Variants in TSPAN7 observed in about 807,000 individuals in gnomAD.
TSPAN7 encodes tetraspanin 7.
In TSPAN7, 1 loss-of-function variant was observed where a neutral mutation model predicts 17.6. That is an observed-to-expected ratio of 0.06 (90% CI 0.02 to 0.27). The LOEUF is 0.27. TSPAN7 is among the 10% of genes least tolerant of loss of function. TSPAN7 has a pLI of 1.00. For missense variants in TSPAN7, 112 were observed against 201.7 expected (o/e 0.56, Z 2.69); for synonymous variants, 78 against 79.0 (o/e 0.99, Z 0.07).
At chrX:38,576,546 A>G (rs2069195228) in intron 1 of TSPAN7, among the ~76,000 whole-genome samples, 2 of 111,874 alleles carry the variant, frequency 1.8e-5, no homozygotes, top group Admixed American at 1.9e-4. Context: ...TTTGAATGTG[A>G]TTTTTGATTG....
chrX:38,599,201 C>T (rs2069332884), intron 1 of TSPAN7, among the ~76,000 whole-genome samples: 1 of 111,024 alleles, frequency 9.0e-6, no homozygotes, highest in East Asian at 2.9e-4. Context: ...GAGATCACTA[C>T]ATAGGGAGAT....
chrX:38,580,058 C>T (rs2069220068), intron 1 of TSPAN7, among the ~76,000 whole-genome samples: 1 of 112,284 alleles, frequency 8.9e-6, no homozygotes, highest in South Asian at 3.7e-4. Context: ...GTTTCCATGT[C>T]GACAGACCTG....
chrX:38,647,419 G>T (rs2069650917), intron 1 of TSPAN7, among the ~76,000 whole-genome samples: 1 of 112,029 alleles, frequency 8.9e-6, no homozygotes, highest in Non-Finnish European at 1.9e-5. Context: ...GCCCAGCCTT[G>T]TCTGTGATAC....
intron 1 of TSPAN7, among the ~76,000 whole-genome samples, chrX:38,641,519 A>G (rs1425643496): frequency 4.5e-5 from 5 of 111,579 alleles, no homozygotes; most frequent in Non-Finnish European, 7.5e-5. Context: ...CTTCTCTGGT[A>G]TACCCTAAAA....
intron 1 of TSPAN7, among the ~76,000 whole-genome samples, chrX:38,600,579 G>A (rs2069341020): frequency 9.0e-6 from 1 of 111,493 alleles, no homozygotes; most frequent in African/African-American, 3.3e-5. Flanking sequence ...GTCCAGCCCA[G>A]CTAAGAGTGG....
intron 6 of TSPAN7, among the ~76,000 whole-genome samples, chrX:38,682,439 C>T (rs1285074358): frequency 3.6e-5 from 4 of 112,151 alleles, no homozygotes; most frequent in African/African-American, 1.3e-4. Flanking sequence ...ATGAACATAG[C>T]TGTGTAACCC....
At chrX:38,644,640 C>A (rs2069634534) in intron 1 of TSPAN7, among the ~76,000 whole-genome samples, 1 of 111,572 alleles carries the variant, frequency 9.0e-6, no homozygotes, top group Non-Finnish European at 1.9e-5. Context: ...CTAGTCCTGG[C>A]TCTGCCTCCA....
chrX:38,675,987 T>C (rs2069851570), intron 5 of TSPAN7, 127 bp downstream of exon 5: 31 of 884,657 alleles, frequency 3.5e-5, no homozygotes, highest in Non-Finnish European at 5.0e-5. Flanking sequence ...TACTTTGTGG[T>C]TCCTTGATTG....
chrX:38,597,943 CAG>C (rs1304779295), intron 1 of TSPAN7, among the ~76,000 whole-genome samples: 1 of 111,417 alleles, frequency 9.0e-6, no homozygotes, highest in Non-Finnish European at 1.9e-5. Context: ...AGCGATATTC[CAG>C]AGAGGCTTTT....
rs190678141 is a variant in TSPAN7 at position 38,631,470 on chromosome X, C to T, written c.82-34651C>T. ...CAGATAGAACAAAAAGAGGAGTTGT[C>T]TTTTATATAGAAAGTTCCCACTCTG... is the stretch of plus-strand genomic sequence containing the variant. On this transcript the variant is annotated intron_variant, in intron 1 of 7. Transcript: ENST00000378482. Among the ~76,000 whole-genome samples, 3 of 111,461 alleles carry T rather than the reference C, an allele frequency of 2.7e-5. No homozygotes were observed. In the Admixed American group the frequency reaches 2.9e-4, roughly 11 times the overall value.
intron 1 of TSPAN7, among the ~76,000 whole-genome samples, chrX:38,625,063 C>T (rs1186923409): frequency 8.9e-6 from 1 of 111,820 alleles, no homozygotes; most frequent in Non-Finnish European, 1.9e-5. Flanking sequence ...ATAGTTCCCC[C>T]TTGCCTGTAA....
At chrX:38,607,491 G>A (rs1194478002) in intron 1 of TSPAN7, among the ~76,000 whole-genome samples, 2 of 111,092 alleles carry the variant, frequency 1.8e-5, no homozygotes, top group Non-Finnish European at 3.8e-5. Context: ...CACCTGGAGA[G>A]CTAGTAAACA....
chrX:38,620,662 C>T lies in TSPAN7; in HGVS notation c.82-45459C>T, dbSNP rs774601713. 2.7e-5 allele frequency among the ~76,000 whole-genome samples: 3 copies of T among 111,834 alleles called. No individual in the cohort carries two copies. The South Asian group carries it at 1.1e-3, about 42-fold the overall frequency. Reference sequence around the variant, plus strand: ...GTGTGGACAGTTCCTCTGTTGTCTACTGTCCACCTTCAAGGGATCAAACCC... The same window carrying T: ...GTGTGGACAGTTCCTCTGTTGTCTATTGTCCACCTTCAAGGGATCAAACCC... On this transcript the variant is annotated intron_variant, in intron 1 of 7. Transcript: ENST00000378482.
At chrX:38,564,622 C>T (rs1165945146) in intron 1 of TSPAN7, among the ~76,000 whole-genome samples, 1 of 112,372 alleles carries the variant, frequency 8.9e-6, no homozygotes, top group Non-Finnish European at 1.9e-5. Flanking sequence ...AATTTCTCCA[C>T]ATCCTTGCCA....
intron 1 of TSPAN7, among the ~76,000 whole-genome samples, chrX:38,608,516 C>A (rs2069398696): frequency 1.8e-5 from 2 of 110,926 alleles, no homozygotes; most frequent in Non-Finnish European, 3.8e-5. Flanking sequence ...AACTTGGTGC[C>A]ATTACTGAAC....
intron 1 of TSPAN7, among the ~76,000 whole-genome samples, chrX:38,636,634 A>G: frequency 8.9e-6 from 1 of 111,737 alleles, no homozygotes; most frequent in Non-Finnish European, 1.9e-5. Flanking sequence ...ACCCTGTGAC[A>G]GAATCAGCAT....
At chrX:38,680,556 TC>T (rs2069883302) in intron 5 of TSPAN7, among the ~76,000 whole-genome samples, 1 of 97,551 alleles carries the variant, frequency 1.0e-5, no homozygotes, top group African/African-American at 4.6e-5. Context: ...TCTCTCTCTC[TC>T]TCTCTCTCTC....
intron 1 of TSPAN7, among the ~76,000 whole-genome samples, chrX:38,630,236 G>C (rs761016419): frequency 1.8e-5 from 2 of 111,870 alleles, no homozygotes; most frequent in South Asian, 7.5e-4. Flanking sequence ...TTATGATTTT[G>C]ATTTATTGCC....
intron 1 of TSPAN7, among the ~76,000 whole-genome samples, chrX:38,623,991 T>A (rs1181867301): frequency 1.0e-5 from 1 of 99,714 alleles, no homozygotes; most frequent in Non-Finnish European, 2.0e-5. Context: ...CACATTGTCA[T>A]CCACTGTGCT....
Sources: gnomAD v4.1 joint callset for allele counts (sites outside exome capture counted in the v4.1 genomes callset) on GRCh38, gnomAD v4.1.1 for gene constraint, MANE v1.5 for transcripts, NCBI Gene and HGNC (gene_info 2026-07-23, HGNC 2026-07-21) for gene names.